APOLD1: variants seen among roughly 807,000 people sequenced by gnomAD.
APOLD1 encodes the protein apolipoprotein L domain-containing protein 1.
In APOLD1, 22 loss-of-function variants were observed where a neutral mutation model predicts 15.3. That is an observed-to-expected ratio of 1.44 (90% CI 1.03 to 2.05). APOLD1 has a LOEUF of 2.05. APOLD1 is among the 30% of genes most tolerant of loss of function. APOLD1 has a pLI of 0.00. For synonymous variants in APOLD1, 190 were observed against 167.4 expected, an observed-to-expected ratio of 1.13 and a Z score of -1.04; for missense variants, 394 against 353.5, an observed-to-expected ratio of 1.11 and a Z score of -0.92.
intron 1 of APOLD1, among the ~76,000 whole-genome samples, chr12:12,736,991 G>T (rs1404664133): frequency 2.0e-5 from 3 of 152,210 alleles, no homozygotes; most frequent in Non-Finnish European, 2.9e-5. Flanking sequence ...CTGTTTTAGA[G>T]TCTGGCCCAT....
At chr12:12,765,273 G>A (rs1277924692) in intron 1 of APOLD1, among the ~76,000 whole-genome samples, 2 of 152,004 alleles carry the variant, frequency 1.3e-5, no homozygotes, top group Non-Finnish European at 2.9e-5. Flanking sequence ...GGCTGGACTC[G>A]AACTCCTGGG....
rs571238316 is a variant in APOLD1, at chr12:12,785,773, TG to T, written c.3+82del. On this transcript the variant is annotated intron_variant, in intron 1 of 1. Coordinates refer to ENST00000356591, the MANE Select transcript of APOLD1 (RefSeq NM_030817.3). The stretch of plus-strand genomic sequence containing the variant: ...TTTTCACCTGGAAAATTATCCCTGG[TG>T]GGTTGGATTATGGAAGCATGGAAGT... The T allele has an allele frequency of 1.6e-4, 223 of 1,413,044 alleles. No homozygotes were observed. In the African/African-American group the frequency reaches 2.8e-3, roughly 18 times the overall value. 87.5% of individuals were successfully genotyped at this position (1,413,044 alleles called of 1,614,324 possible).
At chr12:12,726,180 AGAGGAAAT>A (rs1245943416) in intron 1 of APOLD1, 2 of 833,258 alleles carry the variant, frequency 2.4e-6, no homozygotes, top group Non-Finnish European at 3.5e-6. Flanking sequence ...AAAAAAAAAA[AGAGGAAAT>A]AGAGGAAAAA....
chr12:12,747,552 T>G (rs1437223532), intron 1 of APOLD1, among the ~76,000 whole-genome samples: 1 of 152,174 alleles, frequency 6.6e-6, no homozygotes, highest in Non-Finnish European at 1.5e-5. Flanking sequence ...AACTGCTAGA[T>G]CTCATTCCGC....
chr12:12,728,464 T>A (rs1039848291), intron 1 of APOLD1, among the ~76,000 whole-genome samples: 1 of 151,786 alleles, frequency 6.6e-6, no homozygotes, highest in Admixed American at 6.6e-5. Context: ...TCAGGAGTTC[T>A]GGACCAGCCT....
At chr12:12,768,982 C>G (rs1946963251) in intron 1 of APOLD1, among the ~76,000 whole-genome samples, 1 of 152,036 alleles carries the variant, frequency 6.6e-6, no homozygotes. Flanking sequence ...AATCCCAGCA[C>G]TTTGGGAGGC....
At chr12:12,747,591 C>T (rs1946776319) in intron 1 of APOLD1, among the ~76,000 whole-genome samples, 2 of 152,156 alleles carry the variant, frequency 1.3e-5, no homozygotes, top group African/African-American at 4.8e-5. Flanking sequence ...TCTTCTGACT[C>T]TCAGATTTAA....
intron 1 of APOLD1, among the ~76,000 whole-genome samples, chr12:12,734,719 T>G (rs576978546): frequency 6.6e-6 from 1 of 152,286 alleles, no homozygotes; most frequent in East Asian, 1.9e-4. Context: ...GGCTGAACAA[T>G]AAACGTTTAT....
chr12:12,744,502 A>G (rs1275329728), intron 1 of APOLD1, among the ~76,000 whole-genome samples: 1 of 150,864 alleles, frequency 6.6e-6, no homozygotes, highest in East Asian at 2.0e-4. Flanking sequence ...CCAGCTACTC[A>G]GGAGGCTGAG....
In APOLD1 at chr12:12,777,889, G is replaced by GT. The variant is rs71436735; in HGVS notation, c.97-8984dup. The stretch of plus-strand genomic sequence containing the variant: ...AAATATCTTCTCTACAAGGAAAGGT[G>GT]TTTTTTTTTTTTTTTTTTTTTTTTT... On this transcript the variant is annotated intron_variant, in intron 1 of 1. Transcript: ENST00000326765. Among the ~76,000 whole-genome samples, 164 of 117,046 alleles carry GT rather than the reference G, an allele frequency of 1.4e-3. 20 individuals are homozygous for GT. Among genetic ancestry groups the GT allele is most frequent in the African/African-American group, 5.9e-3 (157 of 26,634 alleles). The allele number at this position is 117,046 out of a possible 152,430, so 76.8% of individuals were successfully genotyped here.
intron 1 of APOLD1, 141 bp from the exon 2 acceptor site, chr12:12,786,768 T>C (rs893635176): frequency 7.7e-7 from 1 of 1,290,876 alleles, no homozygotes; most frequent in South Asian, 2.4e-5. Flanking sequence ...CATGATCCAC[T>C]GGAAACAGAC....
Position 12,772,004 on chromosome 12 carries a change from GA to G in APOLD1, c.97-14898del, listed in dbSNP as rs112199441. 3.0e-4 allele frequency among the ~76,000 whole-genome samples: 45 copies of G among 151,284 alleles called. 1 individual carries two copies. The highest frequency in any genetic ancestry group is 1.0e-3 in the African/African-American group (42 of 41,272). ...GCATAACTGATATGCTAAAAAATGA[GA>G]AAAAAATAATTTATATGAAACGCTC... On this transcript the variant is annotated intron_variant, in intron 1 of 1. Transcript: ENST00000326765.
rs537887864 is a variant in APOLD1, at chr12:12,771,531, T to A, written c.97-15378T>A. 154 of 519,330 alleles carry A rather than the reference T, an allele frequency of 3.0e-4. 1 individual carries two copies. Among genetic ancestry groups the A allele is most frequent in the South Asian group, 5.5e-4 (39 of 70,654 alleles). 32.2% of individuals were successfully genotyped at this position (519,330 alleles called of 1,614,324 possible). A position where few individuals can be genotyped will look rare whatever the true frequency, so the allele number is the denominator to read the frequency against. On this transcript the variant is annotated intron_variant, in intron 1 of 1. Coordinates refer to the APOLD1 transcript ENST00000326765. ...GATGTTAATTATCTCATTTTGTCCA[T>A]CCAATTCATTCCCAATTTCCTGCCC...
intron 1 of APOLD1, among the ~76,000 whole-genome samples, chr12:12,751,946 A>G (rs149931321): frequency 6.9e-4 from 105 of 152,322 alleles, no homozygotes; most frequent in African/African-American, 2.4e-3. Flanking sequence ...GCCGTAAGTC[A>G]AGGAATACAG....
At chr12:12,754,711 G>A (rs1402570129) in intron 1 of APOLD1, among the ~76,000 whole-genome samples, 4 of 152,032 alleles carry the variant, frequency 2.6e-5, no homozygotes, top group East Asian at 1.9e-4. Context: ...GATTACAGGC[G>A]TGAGTCACCA....
At chr12:12,771,946 G>A (rs1396342244) in intron 1 of APOLD1, among the ~76,000 whole-genome samples, 2 of 151,388 alleles carry the variant, frequency 1.3e-5, no homozygotes, top group African/African-American at 4.9e-5. Context: ...CAAACTCTGG[G>A]GCAATCATTT....
At chr12:12,768,276 C>T (rs767047989) in intron 1 of APOLD1, among the ~76,000 whole-genome samples, 51 of 152,002 alleles carry the variant, frequency 3.4e-4, no homozygotes, top group Admixed American at 1.6e-3. Flanking sequence ...ATAATTGCAC[C>T]ACATTGTGTA....
chr12:12,733,027 A>G (rs761473214), intron 1 of APOLD1, among the ~76,000 whole-genome samples: 1 of 152,012 alleles, frequency 6.6e-6, no homozygotes, highest in African/African-American at 2.4e-5. Context: ...ACAGTTATAT[A>G]TCTTGGCTGG....
intron 1 of APOLD1, among the ~76,000 whole-genome samples, chr12:12,729,932 T>C (rs943639747): frequency 2.0e-5 from 3 of 151,754 alleles, no homozygotes; most frequent in African/African-American, 4.8e-5. Context: ...CAATGACTCA[T>C]TGCAGCCTCG....
Sources: gnomAD v4.1 joint callset for allele counts (sites outside exome capture counted in the v4.1 genomes callset) on GRCh38, gnomAD v4.1.1 for gene constraint, MANE v1.5 for transcripts, NCBI Gene and HGNC (gene_info 2026-07-23, HGNC 2026-07-21) for gene names.